DSCAML1: variants seen among roughly 807,000 people sequenced by gnomAD.
DSCAML1 encodes DS cell adhesion molecule like 1.
DSCAML1 carries 38 observed loss-of-function variants against 200.5 expected under a neutral mutation model. The ratio of observed to expected loss-of-function variants is 0.19; its 90% CI spans 0.15 to 0.25. The LOEUF (loss-of-function observed/expected upper bound fraction) is 0.25, where lower values mean the gene tolerates loss of function less well. DSCAML1 is among the 10% of genes least tolerant of loss of function. The probability of loss-of-function intolerance (pLI) is 1.00; values close to 1 mark genes in which losing one functional copy is unlikely to be tolerated. For missense variants in DSCAML1, 2,223 were observed against 2,858.8 expected (o/e 0.78, Z 5.07); for synonymous variants, 1,215 against 1,165.0 (o/e 1.04, Z -0.87).
At chr11:117,430,017 C>T (rs2047753232) in intron 32 of DSCAML1, among the ~76,000 whole-genome samples, 1 of 152,206 alleles carries the variant, frequency 6.6e-6, no homozygotes, top group Non-Finnish European at 1.5e-5. Flanking sequence ...AAGCCCCGCC[C>T]CCTGCCTCAA....
chr11:117,584,711 T>A (rs2051109719), intron 3 of DSCAML1, among the ~76,000 whole-genome samples: 1 of 152,226 alleles, frequency 6.6e-6, no homozygotes, highest in African/African-American at 2.4e-5. Context: ...CAAGTTGAAG[T>A]GGACACTTGG....
chr11:117,790,990 T>A (rs1428155598), intron 1 of DSCAML1, among the ~76,000 whole-genome samples: 1 of 152,204 alleles, frequency 6.6e-6, no homozygotes, highest in East Asian at 1.9e-4. Flanking sequence ...AAACTGTTAG[T>A]GCAAGCATCA....
At chr11:117,577,501 CCTTCCCTCCTTCCT>C (rs2050963580) in intron 3 of DSCAML1, among the ~76,000 whole-genome samples, 1 of 29,342 alleles carries the variant, frequency 3.4e-5, no homozygotes, top group Non-Finnish European at 8.4e-5. Flanking sequence ...TTCCTTCCTT[CCTTCCCTCCTTCCT>C]TCCTTCCTTC....
intron 3 of DSCAML1, among the ~76,000 whole-genome samples, chr11:117,559,158 A>G (rs2050614510): frequency 7.0e-6 from 1 of 143,152 alleles, no homozygotes. Flanking sequence ...AAGAAAAGAA[A>G]GACACCAGAG....
chr11:117,684,681 A>G (rs1236350053), intron 3 of DSCAML1, among the ~76,000 whole-genome samples: 1 of 152,192 alleles, frequency 6.6e-6, no homozygotes, highest in Non-Finnish European at 1.5e-5. Context: ...CTAATGTAAA[A>G]TGTATTGCTG....
intron 3 of DSCAML1, among the ~76,000 whole-genome samples, chr11:117,625,898 G>A (rs1267546907): frequency 6.6e-6 from 1 of 152,190 alleles, no homozygotes; most frequent in Non-Finnish European, 1.5e-5. Flanking sequence ...TATTAATCCT[G>A]GGGCTGTGGC....
rs145014627 is a variant in DSCAML1, at chr11:117,601,072, A to T, written c.512-68550T>A. On this transcript the variant is annotated intron_variant, in intron 3 of 32. Coordinates refer to ENST00000651296, the MANE Select transcript of DSCAML1 (RefSeq NM_020693.4). ...ATTAAAAGCCACCATTTTGCCGTAC[A>T]CCCACAGAGCAGCCTCTATGGCAGC... is the stretch of plus-strand genomic sequence containing the variant. Among the ~76,000 whole-genome samples, 1,289 of 152,270 alleles carry T rather than the reference A, an allele frequency of 8.5e-3. 21 individuals carry two copies. Among genetic ancestry groups the T allele is most frequent in the African/African-American group, 0.029 (1,224 of 41,524 alleles).
rs755710411 is a variant in DSCAML1 at position 117,739,577 on chromosome 11, G to A, written c.511+37214C>T. Among the ~76,000 whole-genome samples the A allele has an allele frequency of 3.9e-5, 6 of 152,220 alleles. No individual in the cohort carries two copies. The South Asian group carries it at 6.2e-4, about 16-fold the overall frequency. On this transcript the variant is annotated intron_variant, in intron 3 of 32. Coordinates refer to ENST00000651296, the MANE Select transcript of DSCAML1 (RefSeq NM_020693.4). ...TTCATCTGTAGACAGCGTGAGCCAC[G>A]CAGTGCCCTCAAACCGAAGTCAAGC...
At chr11:117,684,462 A>AAAAAAAAG (rs1565872985) in intron 3 of DSCAML1, among the ~76,000 whole-genome samples, 42 of 129,938 alleles carry the variant, frequency 3.2e-4, no homozygotes, top group Admixed American at 5.9e-4. Context: ...AAAAAAAAAG[A>AAAAAAAAG]AAAAAAGAGG....
At chr11:117,592,280 T>G (rs949040268) in intron 3 of DSCAML1, among the ~76,000 whole-genome samples, 2 of 152,174 alleles carry the variant, frequency 1.3e-5, no homozygotes. Flanking sequence ...GGAGGCCGGC[T>G]CGGCAAGGAC....
chr11:117,675,035 C>A (rs1045180403), intron 3 of DSCAML1, among the ~76,000 whole-genome samples: 1 of 152,168 alleles, frequency 6.6e-6, no homozygotes. Context: ...CCTGGCTGTG[C>A]TGCTGCCTAG....
intron 3 of DSCAML1, among the ~76,000 whole-genome samples, chr11:117,593,960 G>C (rs531424101): frequency 1.3e-5 from 2 of 152,034 alleles, no homozygotes; most frequent in Admixed American, 6.6e-5. Flanking sequence ...TGATCCGCCC[G>C]CCTCAGCCTT....
chr11:117,668,639 TC>T (rs1379292132), intron 3 of DSCAML1: 1 of 152,220 alleles, frequency 6.6e-6, no homozygotes, highest in Non-Finnish European at 1.5e-5. Flanking sequence ...GAGCTTGCCC[TC>T]CCTGACTCTC....
intron 3 of DSCAML1, among the ~76,000 whole-genome samples, chr11:117,539,433 C>T (rs1423074369): frequency 6.6e-6 from 1 of 151,760 alleles, no homozygotes; most frequent in Non-Finnish European, 1.5e-5. Context: ...TGTGGTGAAA[C>T]CCCATCTCTG....
chr11:117,595,537 G>A (rs1484054505), intron 3 of DSCAML1, among the ~76,000 whole-genome samples: 1 of 152,096 alleles, frequency 6.6e-6, no homozygotes, highest in East Asian at 1.9e-4. Flanking sequence ...GGACTACATA[G>A]CATTCCCCTC....
intron 3 of DSCAML1, among the ~76,000 whole-genome samples, chr11:117,664,630 C>T (rs1480811579): frequency 6.6e-6 from 1 of 152,248 alleles, no homozygotes; most frequent in Non-Finnish European, 1.5e-5. Flanking sequence ...ACAATGTCTA[C>T]CCCGTAATGG....
intron 27 of DSCAML1, 132 bp from the exon 28 acceptor site, chr11:117,433,603 A>G: frequency 1.1e-6 from 1 of 950,762 alleles, no homozygotes. Context: ...AAGAAGCAGA[A>G]GGAGAAATGT....
At chr11:117,506,997 C>A (rs574206232) in intron 8 of DSCAML1, among the ~76,000 whole-genome samples, 68 of 152,312 alleles carry the variant, frequency 4.5e-4, no homozygotes, top group African/African-American at 1.6e-3. Flanking sequence ...ATGCAGCCTG[C>A]ACCCCCCTGC....
chr11:117,481,438 G>A lies in DSCAML1; in HGVS notation c.2560-168C>T, dbSNP rs879508750. Reference sequence around the variant, plus strand: ...TCTCTTCCCAGGGACTTCCAAAGATGGAAGTATGGAGGGCTTCATACAGGG... The same window carrying A: ...TCTCTTCCCAGGGACTTCCAAAGATAGAAGTATGGAGGGCTTCATACAGGG... On this transcript the variant is annotated intron_variant, in intron 12 of 32. Transcript: ENST00000651296. Among the ~76,000 whole-genome samples, 19 of 151,362 alleles carry A rather than the reference G, an allele frequency of 1.3e-4. No individual in the cohort carries two copies. The South Asian group carries it at 1.5e-3, about 12-fold the overall frequency.
Sources: gnomAD v4.1 joint callset for allele counts (sites outside exome capture counted in the v4.1 genomes callset) on GRCh38, gnomAD v4.1.1 for gene constraint, MANE v1.5 for transcripts, NCBI Gene and HGNC (gene_info 2026-07-23, HGNC 2026-07-21) for gene names.